RAB7B: variants seen among roughly 807,000 people sequenced by gnomAD.
RAB7B encodes RAB7B, member RAS oncogene family.
intron 5 of RAB7B, among the ~76,000 whole-genome samples, chr1:205,984,564 A>G (rs1660556165): frequency 6.6e-6 from 1 of 151,892 alleles, no homozygotes. Context: ...GCCCCTCCCC[A>G]TGCCAATCCC....
At chr1:205,989,439 C>T (rs1019483604) in intron 4 of RAB7B, among the ~76,000 whole-genome samples, 7 of 152,116 alleles carry the variant, frequency 4.6e-5, no homozygotes, top group Non-Finnish European at 8.8e-5. Context: ...CCAGGTGCCC[C>T]TCATTCACTA....
intron 4 of RAB7B, among the ~76,000 whole-genome samples, chr1:205,987,974 A>AC (rs1389637432): frequency 6.6e-6 from 1 of 151,988 alleles, no homozygotes; most frequent in Middle Eastern, 3.2e-3. Context: ...TGAACTCCTG[A>AC]CCTCAAGTGA....
intron 4 of RAB7B, among the ~76,000 whole-genome samples, chr1:205,987,877 T>G (rs905500175): frequency 5.9e-5 from 9 of 152,214 alleles, no homozygotes; most frequent in African/African-American, 1.4e-4. Context: ...AATTTACCAT[T>G]TTTAAATTAA....
chr1:205,988,915 G>T (rs1158567363), intron 4 of RAB7B, among the ~76,000 whole-genome samples: 1 of 152,136 alleles, frequency 6.6e-6, no homozygotes, highest in African/African-American at 2.4e-5. Flanking sequence ...ACATTTGAGG[G>T]CCGGCACTTC....
At chr1:205,983,295 T>C (rs1476455698) in intron 5 of RAB7B, among the ~76,000 whole-genome samples, 1 of 152,200 alleles carries the variant, frequency 6.6e-6, no homozygotes, top group East Asian at 1.9e-4. Flanking sequence ...CCCTCCGGCT[T>C]ACACCCACCA....
chr1:205,999,729 A>G (rs1660861178), intron 1 of RAB7B, among the ~76,000 whole-genome samples: 1 of 152,214 alleles, frequency 6.6e-6, no homozygotes, highest in South Asian at 2.1e-4. Flanking sequence ...ATTCTGATCC[A>G]TTAATACTCT....
Position 205,980,349 on chromosome 1 carries a change from C to T in RAB7B, c.523-1421G>A, listed in dbSNP as rs895183297. ...TGCACCCTCCCCGGGTGCAAGTCAT[C>T]GCTGAGCTCTTTCCGTTAATGACAT... On this transcript the variant is annotated intron_variant, in intron 5 of 5. Transcript: ENST00000617070. 1.2e-3 allele frequency among the ~76,000 whole-genome samples: 180 copies of T among 152,352 alleles called. 2 individuals are homozygous for T. Among genetic ancestry groups the T allele is most frequent in the African/African-American group, 4.2e-3 (175 of 41,580 alleles).
intron 5 of RAB7B, among the ~76,000 whole-genome samples, chr1:205,980,482 G>A (rs1036221819): frequency 3.9e-5 from 6 of 152,360 alleles, no homozygotes; most frequent in Admixed American, 3.9e-4. Flanking sequence ...CAGGCCTCTT[G>A]ACAACTTGTG....
chr1:206,002,014 A>G (rs1326958840), intron 1 of RAB7B, among the ~76,000 whole-genome samples: 1 of 152,190 alleles, frequency 6.6e-6, no homozygotes, highest in East Asian at 1.9e-4. Context: ...TCTGAAGCAG[A>G]CAGAGTCTCC....
intron 1 of RAB7B, among the ~76,000 whole-genome samples, chr1:206,000,087 A>G (rs1296691992): frequency 6.6e-6 from 1 of 152,220 alleles, no homozygotes; most frequent in Admixed American, 6.5e-5. Context: ...GGCAGTTTTA[A>G]AAAGATGAAA....
chr1:205,989,135 C>T (rs1660672929), intron 4 of RAB7B, among the ~76,000 whole-genome samples: 1 of 151,912 alleles, frequency 6.6e-6, no homozygotes, highest in African/African-American at 2.4e-5. Context: ...TCCATCCTCT[C>T]CTCCATCCTC....
intron 4 of RAB7B, among the ~76,000 whole-genome samples, chr1:205,991,034 G>T (rs1467243859): frequency 6.6e-6 from 1 of 152,076 alleles, no homozygotes; most frequent in Non-Finnish European, 1.5e-5. Context: ...GCCTCCCAAA[G>T]TGCTGGGATT....
rs1660435204 is a variant in RAB7B, at chr1:205,978,898, CTG to C, written c.551_552del (p.Thr184ArgfsTer42). On this transcript the variant is annotated frameshift_variant, in exon 6 of 6. Transcript: ENST00000617070. LOFTEE classifies it high-confidence loss of function. ...TGGTCTGGCGAGAGCTTGATGGATT[CTG>C]TGAGGTGATTTTCTAAGATGCTCTG... Reference protein sequence around the residue: ...RYQSILENHLTESIKLSPDQS... With the variant: ...RYQSILENHLXESIKLSPDQS... 1 of 398,656 alleles carries C rather than the reference CTG, an allele frequency of 2.5e-6. No homozygotes were observed. Among genetic ancestry groups the C allele is most frequent in the African/African-American group, 2.1e-5 (1 of 48,612 alleles). 24.7% of individuals were successfully genotyped at this position (398,656 alleles called of 1,614,324 possible).
chr1:205,995,025 T>C (rs982411329), intron 1 of RAB7B, among the ~76,000 whole-genome samples: 121,436 of 151,938 alleles, frequency 0.8, 48,652 homozygotes, highest in East Asian at 0.99. Flanking sequence ...AACCAAACAC[T>C]GCATGTTCTC....
In RAB7B at chr1:206,002,558, C is replaced by T. The variant is rs946491614; in HGVS notation, c.-17+695G>A. Among the ~76,000 whole-genome samples, 960 of 152,280 alleles carry T rather than the reference C, an allele frequency of 6.3e-3. 11 individuals are homozygous for T. The highest frequency in any genetic ancestry group is 0.022 in the African/African-American group (918 of 41,548). On this transcript the variant is annotated intron_variant, in intron 1 of 5. Transcript: ENST00000617070. ...AAAGATACAGACAAGTTACTATCTCCGTGGGACCTTTGTGGTGGGAGATTG... is the reference window on the plus strand; with the variant it reads ...AAAGATACAGACAAGTTACTATCTCTGTGGGACCTTTGTGGTGGGAGATTG...
rs957910017 is a variant in RAB7B, at chr1:205,989,679, G to A, written c.396+2801C>T. 5.2e-3 allele frequency among the ~76,000 whole-genome samples: 784 copies of A among 151,940 alleles called. 9 individuals are homozygous for A. The highest frequency in any genetic ancestry group is 0.018 in the African/African-American group (734 of 41,404). On this transcript the variant is annotated intron_variant, in intron 4 of 5. Transcript: ENST00000617070. ...CCCCAGCCTCCGCCACCCCAGCCCT[G>A]GCCCTTCTGCCTCCCCTGGTCCCTC... is the stretch of plus-strand genomic sequence containing the variant.
intron 5 of RAB7B, among the ~76,000 whole-genome samples, chr1:205,985,295 G>C (rs1325773012): frequency 6.6e-6 from 1 of 152,286 alleles, no homozygotes; most frequent in East Asian, 1.9e-4. Flanking sequence ...CGAGGGATTT[G>C]GTTAGTTAGC....
At chr1:205,999,106 G>A (rs1376874413) in intron 1 of RAB7B, among the ~76,000 whole-genome samples, 1 of 152,192 alleles carries the variant, frequency 6.6e-6, no homozygotes, top group African/African-American at 2.4e-5. Context: ...AGACTCACAC[G>A]CCTTGCTCCA....
intron 1 of RAB7B, among the ~76,000 whole-genome samples, chr1:206,002,305 C>T (rs1022966751): frequency 0.01 from 1,595 of 152,302 alleles, 20 homozygotes; most frequent in African/African-American, 0.036. Flanking sequence ...GGAGGCTTGG[C>T]GCTCTTGTTC....
Sources: gnomAD v4.1 joint callset for allele counts (sites outside exome capture counted in the v4.1 genomes callset) on GRCh38, gnomAD v4.1.1 for gene constraint, MANE v1.5 for transcripts, NCBI Gene and HGNC (gene_info 2026-07-23, HGNC 2026-07-21) for gene names.